HEMK2: variants seen among roughly 807,000 people sequenced by gnomAD.
HEMK2 encodes the protein methyltransferase HEMK2.
At chr21:28,756,931 A>T in the HEMK2 span, among the ~76,000 whole-genome samples, 4 of 152,230 alleles carry the variant, frequency 2.6e-5, no homozygotes, top group African/African-American at 9.6e-5. Context: ...ACTTATGGTA[A>T]ATAATTCACT....
the HEMK2 span, among the ~76,000 whole-genome samples, chr21:28,841,841 C>A: frequency 6.6e-6 from 1 of 152,226 alleles, no homozygotes; most frequent in East Asian, 1.9e-4. Flanking sequence ...AACCCTTAGA[C>A]TCCTAGGCTA....
At chr21:28,844,029 A>C in the HEMK2 span, among the ~76,000 whole-genome samples, 1 of 152,140 alleles carries the variant, frequency 6.6e-6, no homozygotes, top group African/African-American at 2.4e-5. Flanking sequence ...TTGCTTATTT[A>C]GGGATTATAT....
the HEMK2 span, among the ~76,000 whole-genome samples, chr21:28,860,548 A>G: frequency 6.6e-6 from 1 of 151,774 alleles, no homozygotes; most frequent in Admixed American, 6.6e-5. Flanking sequence ...TTCACTGAAC[A>G]AAGAAATTTT....
At chr21:28,695,391 T>C in the HEMK2 span, among the ~76,000 whole-genome samples, 1 of 152,126 alleles carries the variant, frequency 6.6e-6, no homozygotes, top group Non-Finnish European at 1.5e-5. Context: ...ACACTGCTAA[T>C]AAAGACATAC....
chr21:28,878,500 A>G, the HEMK2 span, among the ~76,000 whole-genome samples: 1 of 152,190 alleles, frequency 6.6e-6, no homozygotes, highest in African/African-American at 2.4e-5. Context: ...CTAGTGTGTA[A>G]CCTTGGATAA....
chr21:28,754,224 G>T, the HEMK2 span, among the ~76,000 whole-genome samples: 338 of 152,354 alleles, frequency 2.2e-3, 2 homozygotes, highest in African/African-American at 7.7e-3. Flanking sequence ...AAGAATGGAA[G>T]TGAAGAAAAG....
chr21:28,643,443 T>G, the HEMK2 span, among the ~76,000 whole-genome samples: 2 of 144,062 alleles, frequency 1.4e-5, no homozygotes, highest in Admixed American at 1.4e-4. Context: ...ATCAAGAGAC[T>G]GAGGGGGGAG....
the HEMK2 span, among the ~76,000 whole-genome samples, chr21:28,593,425 T>A: frequency 6.6e-6 from 1 of 152,198 alleles, no homozygotes; most frequent in Non-Finnish European, 1.5e-5. Context: ...ACACCTATAT[T>A]TTCTTGCTCT....
chr21:28,591,021 A>T, the HEMK2 span, among the ~76,000 whole-genome samples: 1 of 152,336 alleles, frequency 6.6e-6, no homozygotes, highest in African/African-American at 2.4e-5. Context: ...ATTTTGTTAC[A>T]GCACCTCCTG....
chr21:28,779,435 A>G, the HEMK2 span, among the ~76,000 whole-genome samples: 3 of 152,192 alleles, frequency 2.0e-5, no homozygotes, highest in Non-Finnish European at 4.4e-5. Flanking sequence ...AGAAATAGAG[A>G]GTAGAATGAT....
At chr21:28,765,884 G>A in the HEMK2 span, among the ~76,000 whole-genome samples, 4 of 152,000 alleles carry the variant, frequency 2.6e-5, no homozygotes, top group African/African-American at 9.7e-5. Context: ...AATCAACAGG[G>A]AAATGCAAAT....
the HEMK2 span, among the ~76,000 whole-genome samples, chr21:28,758,328 C>T: frequency 3.9e-5 from 6 of 151,972 alleles, no homozygotes; most frequent in East Asian, 3.9e-4. Flanking sequence ...TCATGTTGGG[C>T]GGGACAAAAA....
At chr21:28,621,085 G>A in the HEMK2 span, among the ~76,000 whole-genome samples, 3 of 151,912 alleles carry the variant, frequency 2.0e-5, no homozygotes, top group Non-Finnish European at 4.4e-5. Flanking sequence ...GTCTATCTTA[G>A]TTATTTCTTG....
the HEMK2 span, among the ~76,000 whole-genome samples, chr21:28,862,306 G>A: frequency 6.6e-6 from 1 of 152,198 alleles, no homozygotes; most frequent in Non-Finnish European, 1.5e-5. Context: ...GACCTGCTGA[G>A]ATGCTTGCTG....
At chr21:28,742,365 A>G in the HEMK2 span, among the ~76,000 whole-genome samples, 1 of 152,244 alleles carries the variant, frequency 6.6e-6, no homozygotes, top group South Asian at 2.1e-4. Flanking sequence ...CTTTGCTGCC[A>G]TAAGTTCTGA....
At chr21:28,691,843 C>T in the HEMK2 span, among the ~76,000 whole-genome samples, 5 of 152,164 alleles carry the variant, frequency 3.3e-5, 1 homozygote, top group South Asian at 8.3e-4. Context: ...GATAGCTGAA[C>T]ATTCTTTAAA....
At chr21:28,848,352 T>C in the HEMK2 span, among the ~76,000 whole-genome samples, 1 of 152,112 alleles carries the variant, frequency 6.6e-6, no homozygotes, top group African/African-American at 2.4e-5. Flanking sequence ...AATCTAGTAA[T>C]ATTTACTACG....
chr21:28,587,946 A>G, the HEMK2 span, among the ~76,000 whole-genome samples: 1 of 152,248 alleles, frequency 6.6e-6, no homozygotes. Context: ...AAAGACAAGG[A>G]AAAGTATGAT....
chr21:28,598,682 T>C, the HEMK2 span, among the ~76,000 whole-genome samples: 1 of 152,204 alleles, frequency 6.6e-6, no homozygotes, highest in Non-Finnish European at 1.5e-5. Context: ...TCTAGTAAAT[T>C]ATTGAGCCTG....
Sources: allele counts gnomAD v4.1 joint callset (sites outside exome capture counted in the v4.1 genomes callset), GRCh38; gene constraint gnomAD v4.1.1; transcripts MANE v1.5; gene names NCBI Gene and HGNC (gene_info 2026-07-23, HGNC 2026-07-21).